Variants in NXN observed in about 807,000 individuals in gnomAD.
NXN encodes the protein nucleoredoxin 1.
In NXN, 16 loss-of-function variants were observed where a neutral mutation model predicts 48.6. That is an observed-to-expected ratio of 0.33 (90% CI 0.22 to 0.50). NXN has a LOEUF of 0.50. NXN is among the 20% of genes least tolerant of loss of function. The pLI is 0.98. For synonymous variants in NXN, 281 were observed against 269.6 expected, an observed-to-expected ratio of 1.04 and a Z score of -0.41; for missense variants, 492 against 605.5, an observed-to-expected ratio of 0.81 and a Z score of 1.97.
intron 5 of NXN, among the ~76,000 whole-genome samples, chr17:806,539 G>C (rs1022336596): frequency 2.6e-5 from 4 of 152,004 alleles, no homozygotes; most frequent in African/African-American, 9.7e-5. Context: ...CCACCCTTCG[G>C]GGACCTTTGT....
At chr17:899,816 G>A (rs2068520691) in intron 1 of NXN, among the ~76,000 whole-genome samples, 1 of 152,160 alleles carries the variant, frequency 6.6e-6, no homozygotes, top group South Asian at 2.1e-4. Context: ...CCTGAGCCCA[G>A]GAGTTCGAGG....
At position 826,816 on chromosome 17, in the gene NXN, C is replaced by G. The variant is rs151299101; in HGVS notation, c.361-738G>C. 9.8e-4 allele frequency among the ~76,000 whole-genome samples: 149 copies of G among 152,320 alleles called. 1 individual carries two copies. Among genetic ancestry groups the G allele is most frequent in the African/African-American group, 3.5e-3 (147 of 41,564 alleles). Reference sequence around the variant, plus strand: ...GGCTCTCGGTGCCGCGTAAAACACGCTTCAGTCTACTGTCAGATTCTTGAG... The same window carrying G: ...GGCTCTCGGTGCCGCGTAAAACACGGTTCAGTCTACTGTCAGATTCTTGAG... On this transcript the variant is annotated intron_variant, in intron 1 of 7. Coordinates refer to ENST00000336868, the MANE Select transcript of NXN (RefSeq NM_022463.5).
At chr17:885,190 G>A (rs527805867) in intron 1 of NXN, among the ~76,000 whole-genome samples, 4 of 152,304 alleles carry the variant, frequency 2.6e-5, no homozygotes, top group South Asian at 2.1e-4. Flanking sequence ...GCGGCCGGTC[G>A]CAGTGGCTCA....
chr17:863,862 G>A (rs999358240), intron 1 of NXN: 5 of 1,045,330 alleles, frequency 4.8e-6, no homozygotes, highest in Non-Finnish European at 5.7e-6. Context: ...CTGTCCTTCA[G>A]GGAAAAAACA....
At position 917,460 on chromosome 17, in the gene NXN, C is replaced by T. The variant is rs1418620701; in HGVS notation, c.360+61859G>A. Among the ~76,000 whole-genome samples, 4 of 152,218 alleles carry T rather than the reference C, an allele frequency of 2.6e-5. No homozygotes were observed. The highest frequency in any genetic ancestry group is 4.4e-5 in the Non-Finnish European group (3 of 68,046). On this transcript the variant is annotated intron_variant, in intron 1 of 7. Transcript: ENST00000336868. The surrounding 1 kb of genome is among the most constrained non-coding windows in gnomAD (Gnocchi z 4.5). ...CGCCGCTCACATCTTTACTCATGAA[C>T]CTAAACTCACAGAGCAGCCCCACAC...
chr17:805,177 CA>C lies in NXN; in HGVS notation c.890del (p.Leu297ArgfsTer37). 1 of 1,609,984 alleles carries C rather than the reference CA, an allele frequency of 6.2e-7. No homozygotes were observed. Among genetic ancestry groups the C allele is most frequent in the Non-Finnish European group, 8.5e-7 (1 of 1,178,840 alleles). ...GGAACTCCCGGCAGTCCTCGTCGTT[CA>C]GCACCTCCACCCGCCCCTGCCGCGT... is the stretch of plus-strand genomic sequence containing the variant. ...VITRQGRVEVLNDEDCREFPW... is the reference protein window; with the variant it reads ...VITRQGRVEVXNDEDCREFPW... On this transcript the variant is annotated frameshift_variant, in exon 6 of 8. Transcript: ENST00000336868. LOFTEE classifies it high-confidence loss of function.
At chr17:864,995 G>A (rs9674522) in intron 1 of NXN, among the ~76,000 whole-genome samples, 20,221 of 152,132 alleles carry the variant, frequency 0.13, 1,554 homozygotes, top group Middle Eastern at 0.22. Flanking sequence ...CCTGGATCTC[G>A]GAACTAGAAC....
At chr17:826,689 T>A (rs1913120983) in intron 1 of NXN, among the ~76,000 whole-genome samples, 1 of 152,158 alleles carries the variant, frequency 6.6e-6, no homozygotes, top group Admixed American at 6.5e-5. Flanking sequence ...ACCAGGTCCC[T>A]CAGCCCTTCA....
intron 1 of NXN, among the ~76,000 whole-genome samples, chr17:976,340 T>C (rs2069457956): frequency 6.6e-6 from 1 of 152,176 alleles, no homozygotes. Context: ...CACAGCATTT[T>C]CTTTCCCCAC....
In NXN at chr17:822,390, T is replaced by A; in HGVS notation, c.680A>T (p.Gln227Leu). ...ESYRKIKEAG[Q>L]NFEIIFVSAD... ...ACTAACGAAGATGATCTCGAAGTTC[T>A]GGCCTGCCTCCTTGATCTTCCGGTA... is the stretch of plus-strand genomic sequence containing the variant. Residue 227 changes from glutamine (Q) to leucine (L), a missense_variant, in exon 4 of 8, where the codon CAG becomes CTG. By Grantham distance (113) the Gln-to-Leu change is moderately radical (BLOSUM62 -2). Around this residue, in one of 3 missense-constraint regions of NXN, gnomAD observed 303 missense variants for 388.3 expected, o/e 0.78. Coordinates refer to ENST00000336868, the MANE Select transcript of NXN (RefSeq NM_022463.5). The A allele has an allele frequency of 1.2e-6, 2 of 1,614,134 alleles. No individual in the cohort carries two copies. The highest frequency in any genetic ancestry group is 1.7e-6 in the Non-Finnish European group (2 of 1,179,984).
chr17:945,042 C>G (rs1023512753), intron 1 of NXN, among the ~76,000 whole-genome samples: 2 of 152,024 alleles, frequency 1.3e-5, no homozygotes, highest in Non-Finnish European at 2.9e-5. Flanking sequence ...CATCAACATG[C>G]CAGGCAAGTG....
At chr17:957,091 G>A (rs144897818) in intron 1 of NXN, among the ~76,000 whole-genome samples, 121 of 152,290 alleles carry the variant, frequency 7.9e-4, no homozygotes, top group Middle Eastern at 6.8e-3. Flanking sequence ...CCAGTGAGAT[G>A]CTCAGAAAAC....
rs554662547 is a variant in NXN, at chr17:970,538, T to C, written c.360+8781A>G. On this transcript the variant is annotated intron_variant, in intron 1 of 7. Coordinates refer to ENST00000336868, the MANE Select transcript of NXN (RefSeq NM_022463.5). ...GCCTTCCAAGCAACCAGCGAATGTT[T>C]CAAGCCGTTCAACTACCTCTGTCTT... 4.2e-3 allele frequency among the ~76,000 whole-genome samples: 633 copies of C among 152,326 alleles called. 11 individuals carry two copies. Among genetic ancestry groups the C allele is most frequent in the East Asian group, 0.041 (212 of 5,188 alleles).
intron 3 of NXN, 105 bp downstream of exon 3, chr17:823,527 A>T (rs951091511): frequency 7.4e-7 from 1 of 1,356,900 alleles, no homozygotes; most frequent in African/African-American, 1.5e-5. Context: ...GAAGGCCGGG[A>T]AATTCCTGCC....
At chr17:924,873 G>A (rs1408170276) in intron 1 of NXN, among the ~76,000 whole-genome samples, 1 of 152,252 alleles carries the variant, frequency 6.6e-6, no homozygotes, top group Non-Finnish European at 1.5e-5. Flanking sequence ...ACTCAGAAAG[G>A]AATGCCCAGG....
At chr17:951,551 T>C (rs975081537) in intron 1 of NXN, among the ~76,000 whole-genome samples, 1 of 23,884 alleles carries the variant, frequency 4.2e-5, no homozygotes, top group African/African-American at 1.7e-4. Flanking sequence ...ATTTTAAAAA[T>C]GCGAGCTGGG....
At chr17:923,945 A>AT (rs1325180066) in intron 1 of NXN, among the ~76,000 whole-genome samples, 1 of 152,192 alleles carries the variant, frequency 6.6e-6, no homozygotes, top group Non-Finnish European at 1.5e-5. Flanking sequence ...CCACTTTTGT[A>AT]TTTTTTTAAG....
chr17:965,913 G>A (rs973063984), intron 1 of NXN, among the ~76,000 whole-genome samples: 1 of 151,934 alleles, frequency 6.6e-6, no homozygotes, highest in African/African-American at 2.4e-5. Context: ...TCAGGAGTTC[G>A]AGACCAGCCT....
At chr17:979,280 G>C in intron 1 of NXN, 39 bp downstream of exon 1, 1 of 1,413,478 alleles carries the variant, frequency 7.1e-7, no homozygotes. Flanking sequence ...TAACGGGCGT[G>C]GGGGGCGGGC....
Sources: gnomAD v4.1 joint callset for allele counts (sites outside exome capture counted in the v4.1 genomes callset) on GRCh38, gnomAD v4.1.1 for gene constraint, gnomAD v4.1.1 regional missense constraint, Gnocchi (gnomAD v3.1) non-coding constraint, MANE v1.5 for transcripts, NCBI Gene and HGNC (gene_info 2026-07-23, HGNC 2026-07-21) for gene names.